BEND3: variants seen among roughly 807,000 people sequenced by gnomAD.
The protein encoded by BEND3 is BEN domain-containing protein 3.
BEND3 carries 13 observed loss-of-function variants against 60.1 expected under a neutral mutation model. That is an observed-to-expected ratio of 0.22 (90% CI 0.14 to 0.34). The LOEUF (loss-of-function observed/expected upper bound fraction) is 0.34. BEND3 is among the 10% of genes least tolerant of loss of function. BEND3 has a pLI of 1.00. For synonymous variants in BEND3, 497 were observed against 491.5 expected (o/e 1.01, Z -0.15); for missense variants, 896 against 1,138.1 (o/e 0.79, Z 3.06).
chr6:107,099,325 G>T (rs781891012), intron 1 of BEND3, 29 bp from the exon 2 acceptor site: 3 of 1,570,858 alleles, frequency 1.9e-6, no homozygotes, highest in Admixed American at 1.7e-5. Context: ...ACAATGTGTT[G>T]ACTTATTGCT....
rs201875391 is a variant in BEND3 at position 107,099,295 on chromosome 6, C to T, written c.-10G>A. ...ATTCAGTTGAGTTCATCTTCTATTCCGCTAAATAAAAAGACAAAGACAATG... is the reference window on the plus strand; with the variant it reads ...ATTCAGTTGAGTTCATCTTCTATTCTGCTAAATAAAAAGACAAAGACAATG... On this transcript the variant is annotated splice_region_variant and 5_prime_UTR_variant, in exon 2 of 4. Transcript: ENST00000369042. 3.9e-5 allele frequency: 62 copies of T among 1,606,422 alleles called. No individual in the cohort carries two copies. Among genetic ancestry groups the T allele is most frequent in the African/African-American group, 2.1e-4 (16 of 74,722 alleles).
chr6:107,093,722 A>G (rs1405407788), intron 3 of BEND3, among the ~76,000 whole-genome samples: 3 of 152,176 alleles, frequency 2.0e-5, no homozygotes, highest in Non-Finnish European at 4.4e-5. Context: ...TAGTCCTTAC[A>G]CCCTTTACAA....
At chr6:107,071,509 G>C (rs536514477) in intron 3 of BEND3, among the ~76,000 whole-genome samples, 23 of 152,286 alleles carry the variant, frequency 1.5e-4, no homozygotes, top group African/African-American at 4.8e-4. Flanking sequence ...GGGCACCTGA[G>C]AACTGGGCTG....
intron 3 of BEND3, among the ~76,000 whole-genome samples, chr6:107,077,170 C>T (rs903435571): frequency 1.3e-5 from 2 of 152,142 alleles, no homozygotes; most frequent in Admixed American, 1.3e-4. Flanking sequence ...ATGTGCTCAC[C>T]ATGTTGTCCA....
chr6:107,091,351 TA>T (rs201901027), intron 3 of BEND3, among the ~76,000 whole-genome samples: 17 of 150,972 alleles, frequency 1.1e-4, no homozygotes, highest in African/African-American at 2.4e-4. Flanking sequence ...AATCAATAGA[TA>T]AAAAAAAATC....
At chr6:107,096,715 T>C (rs965101910) in intron 3 of BEND3, among the ~76,000 whole-genome samples, 10 of 152,322 alleles carry the variant, frequency 6.6e-5, no homozygotes, top group African/African-American at 2.4e-4. Context: ...AAGTAGGGAA[T>C]GAGGAGCTAC....
Position 107,070,047 on chromosome 6 carries a change from G to C in BEND3, c.1144C>G (p.Arg382Gly), listed in dbSNP as rs782522231. The change falls in exon 4 of 4, where the codon CGG (arginine) becomes GGG (glycine). Residue 382 changes from arginine (R) to glycine (G), a missense_variant. Arg to Gly is a moderately radical substitution (Grantham distance 125). Transcript: ENST00000369042. This position sits in a 1 kb window ranked among gnomAD's most constrained non-coding sequence, Gnocchi z 6.9. Reference sequence around the variant, plus strand: ...TGGTCTGAGGCGATGGTGCTGCTCCGGTCAAGAGACAGGGCCTCCTCCTGG... The same window carrying C: ...TGGTCTGAGGCGATGGTGCTGCTCCCGTCAAGAGACAGGGCCTCCTCCTGG... ...KDQEEALSLD[R>G]SSTIASDHVV... The C allele has an allele frequency of 6.2e-7, 1 of 1,613,720 alleles. No individual in the cohort carries two copies. The highest frequency in any genetic ancestry group is 1.3e-5 in the African/African-American group (1 of 75,032).
intron 3 of BEND3, among the ~76,000 whole-genome samples, chr6:107,090,905 C>A (rs1775461924): frequency 6.6e-6 from 1 of 152,028 alleles, no homozygotes. Flanking sequence ...AGGTCAGTAG[C>A]TCGAGATCAG....
At chr6:107,087,398 T>C (rs1468528318) in intron 3 of BEND3, among the ~76,000 whole-genome samples, 1 of 152,146 alleles carries the variant, frequency 6.6e-6, no homozygotes, top group Non-Finnish European at 1.5e-5. Context: ...GCTGGAATTA[T>C]CAGAGAATGT....
chr6:107,096,823 G>A (rs555159226), intron 3 of BEND3, among the ~76,000 whole-genome samples: 40 of 151,920 alleles, frequency 2.6e-4, no homozygotes, highest in Admixed American at 7.9e-4. Context: ...GGCTGAGCGC[G>A]GTGACTCATG....
At chr6:107,082,466 G>A (rs1305925101) in intron 3 of BEND3, among the ~76,000 whole-genome samples, 5 of 152,026 alleles carry the variant, frequency 3.3e-5, no homozygotes, top group Non-Finnish European at 7.4e-5. Context: ...CAGTAGTCTC[G>A]CTCTGTCACC....
In BEND3 at chr6:107,098,694, A is replaced by G. The variant is rs555362201; in HGVS notation, c.97T>C (p.Ser33Pro). 6.2e-7 allele frequency: 1 copy of G among 1,614,104 alleles called. No individual in the cohort carries two copies. Among genetic ancestry groups the G allele is most frequent in the East Asian group, 2.2e-5 (1 of 44,886 alleles). ...TTCTCAGAAGTCCTGGAATTCACGG[A>G]GCAGTCCAGAGCAGCATCTTCAGCC... ...TEAEDAALDC[S>P]VNSRTSEKHS... is the part of the protein sequence containing the mutation. The change falls in exon 3 of 4, where the codon TCC becomes CCC. Residue 33 changes from serine (S) to proline (P), a missense_variant. Transcript: ENST00000369042.
chr6:107,114,605 A>G (rs1481226929), intron 1 of BEND3, among the ~76,000 whole-genome samples: 1 of 150,030 alleles, frequency 6.7e-6, no homozygotes, highest in Non-Finnish European at 1.5e-5. Flanking sequence ...CACGCCGAGC[A>G]GTGCCCCGCC....
chr6:107,089,981 G>C (rs1775440907), intron 3 of BEND3, among the ~76,000 whole-genome samples: 1 of 151,894 alleles, frequency 6.6e-6, no homozygotes, highest in African/African-American at 2.4e-5. Context: ...AATGTATACG[G>C]AACCACCAAA....
At chr6:107,103,936 G>A (rs1228740022) in intron 1 of BEND3, among the ~76,000 whole-genome samples, 2 of 134,410 alleles carry the variant, frequency 1.5e-5, no homozygotes, top group East Asian at 2.2e-4. Context: ...CAACAAGAGC[G>A]AAACTCCGTC....
At position 107,069,745 on chromosome 6, in the gene BEND3, G is replaced by A; in HGVS notation, c.1446C>T (p.Gly482=). The A allele has an allele frequency of 6.2e-7, 1 of 1,612,148 alleles. No individual in the cohort carries two copies. Among genetic ancestry groups the A allele is most frequent in the Non-Finnish European group, 8.5e-7 (1 of 1,180,004 alleles). Residue 482 remains glycine, a synonymous_variant, in exon 4 of 4, where the codon GGC becomes GGT. Coordinates refer to ENST00000369042, the MANE Select transcript of BEND3 (RefSeq NM_001367314.1). Reference sequence around the variant, plus strand: ...CTTCACTGCCCGCGTCCAGCCCCAGGCCCTCGAGCTCGTCGTTGATGCGCT... The same window carrying A: ...CTTCACTGCCCGCGTCCAGCCCCAGACCCTCGAGCTCGTCGTTGATGCGCT... ...CAQRINDELE[G]LGLDAGSEGD...
chr6:107,114,069 GACC>G (rs1554238914), intron 1 of BEND3: 1 of 152,210 alleles, frequency 6.6e-6, no homozygotes, highest in Non-Finnish European at 1.5e-5. Flanking sequence ...CTTCCAGAAA[GACC>G]ACCTGAGCAA....
rs782552807 is a variant in BEND3 at position 107,070,124 on chromosome 6, C to A, written c.1067G>T (p.Ser356Ile). The part of the protein sequence containing the change: ...EDSQPSGQVA[S>I]FFEAEQVDPG... Reference sequence around the variant, plus strand: ...GTCCACCTGCTCTGCCTCAAAGAAGCTGGCGACCTGGCCGCTGGGCTGGCT... The same window carrying A: ...GTCCACCTGCTCTGCCTCAAAGAAGATGGCGACCTGGCCGCTGGGCTGGCT... Residue 356 changes from serine to isoleucine, a missense_variant, in exon 4 of 4, where the codon AGC becomes ATC. Around this residue, in one of 4 missense-constraint regions of BEND3, gnomAD observed 846 missense variants for 1,036.7 expected, o/e 0.82. Coordinates refer to ENST00000369042, the MANE Select transcript of BEND3 (RefSeq NM_001367314.1). This position sits in a 1 kb window ranked among gnomAD's most constrained non-coding sequence, Gnocchi z 6.9. 6.2e-7 allele frequency: 1 copy of A among 1,613,208 alleles called. No individual in the cohort carries two copies. Among genetic ancestry groups the A allele is most frequent in the South Asian group, 1.1e-5 (1 of 91,088 alleles).
intron 1 of BEND3, among the ~76,000 whole-genome samples, chr6:107,111,710 G>A (rs549537953): frequency 2.0e-4 from 30 of 151,940 alleles, no homozygotes; most frequent in Non-Finnish European, 1.6e-4. Flanking sequence ...GGCCAGGCGC[G>A]ATGGCTTACA....
Sources: gnomAD v4.1 joint callset for allele counts (sites outside exome capture counted in the v4.1 genomes callset) on GRCh38, gnomAD v4.1.1 for gene constraint, gnomAD v4.1.1 regional missense constraint, Gnocchi (gnomAD v3.1) non-coding constraint, MANE v1.5 for transcripts, NCBI Gene and HGNC (gene_info 2026-07-23, HGNC 2026-07-21) for gene names.